SLC9A9: variants seen among roughly 807,000 people sequenced by gnomAD.
The protein encoded by SLC9A9 is solute carrier family 9 member A9.
A neutral mutation model predicts 77.8 loss-of-function variants in SLC9A9; 62 were observed. That is an observed-to-expected ratio of 0.80 (90% CI 0.65 to 0.98). The LOEUF is 0.98. Ranked by LOEUF, SLC9A9 falls within the 50% of genes least tolerant of loss-of-function variation. The probability of loss-of-function intolerance (pLI) is 0.00; values close to 1 mark genes in which losing one functional copy is unlikely to be tolerated. For synonymous variants in SLC9A9, 320 were observed against 283.5 expected (o/e 1.13, Z -1.29); for missense variants, 775 against 774.9 (o/e 1.00, Z 0.00).
At chr3:143,279,099 C>T (rs773942217) in intron 14 of SLC9A9, among the ~76,000 whole-genome samples, 2 of 152,176 alleles carry the variant, frequency 1.3e-5, no homozygotes, top group Non-Finnish European at 2.9e-5. Flanking sequence ...ATATTTCAAC[C>T]ATCCCAAGTC....
At chr3:143,397,397 G>A (rs1183545345) in intron 12 of SLC9A9, among the ~76,000 whole-genome samples, 4 of 152,114 alleles carry the variant, frequency 2.6e-5, no homozygotes, top group Non-Finnish European at 4.4e-5. Context: ...AGTTACATGG[G>A]AAAAAAGAGG....
chr3:143,780,477 G>T (rs934324026), intron 4 of SLC9A9, among the ~76,000 whole-genome samples: 1 of 152,190 alleles, frequency 6.6e-6, no homozygotes, highest in Non-Finnish European at 1.5e-5. Context: ...CTCATTAAAA[G>T]TTTTTACGCA....
chr3:143,602,373 G>C (rs932124220), intron 6 of SLC9A9, among the ~76,000 whole-genome samples: 3 of 152,170 alleles, frequency 2.0e-5, no homozygotes, highest in African/African-American at 7.2e-5. Context: ...CGTGAGATCT[G>C]GGTGAACGTC....
intron 4 of SLC9A9, among the ~76,000 whole-genome samples, chr3:143,778,617 AT>A (rs75707362): frequency 0.033 from 4,979 of 152,298 alleles, 238 homozygotes; most frequent in East Asian, 0.19. Context: ...ATGTAAAAAA[AT>A]ATCTTTATAA....
At chr3:143,545,844 C>CT in intron 9 of SLC9A9, among the ~76,000 whole-genome samples, 1 of 152,194 alleles carries the variant, frequency 6.6e-6, no homozygotes, top group Non-Finnish European at 1.5e-5. Context: ...ATGGCAAACT[C>CT]TAATTCCTCC....
intron 2 of SLC9A9, among the ~76,000 whole-genome samples, chr3:143,805,396 A>G (rs2108866996): frequency 6.6e-6 from 1 of 151,702 alleles, no homozygotes; most frequent in Non-Finnish European, 1.5e-5. Context: ...TCTCCATGCC[A>G]CCCCCCAAAA....
intron 12 of SLC9A9, among the ~76,000 whole-genome samples, chr3:143,461,878 A>G (rs2035200796): frequency 6.6e-6 from 1 of 152,204 alleles, no homozygotes; most frequent in African/African-American, 2.4e-5. Context: ...TCTGTATGGA[A>G]GCAGATATAT....
At chr3:143,553,151 G>A (rs1357413668) in intron 8 of SLC9A9, among the ~76,000 whole-genome samples, 1 of 152,176 alleles carries the variant, frequency 6.6e-6, no homozygotes, top group Non-Finnish European at 1.5e-5. Context: ...CTTGACATCT[G>A]CAGGGTTTAG....
chr3:143,617,136 C>T (rs2038119025), intron 6 of SLC9A9, among the ~76,000 whole-genome samples: 2 of 152,120 alleles, frequency 1.3e-5, no homozygotes, highest in Non-Finnish European at 2.9e-5. Flanking sequence ...GGAGGAAATG[C>T]CATTTTGGGT....
intron 1 of SLC9A9, 73 bp from the exon 2 acceptor site, chr3:143,832,294 T>G (rs1314098020): frequency 1.5e-6 from 2 of 1,328,396 alleles, no homozygotes; most frequent in Non-Finnish European, 2.1e-6. Flanking sequence ...ACCTATATGA[T>G]TTGGAACCTT....
chr3:143,359,687 C>T lies in SLC9A9; in HGVS notation c.1604+3797G>A, dbSNP rs1412412088. 2.6e-5 allele frequency among the ~76,000 whole-genome samples: 4 copies of T among 152,120 alleles called. No individual in the cohort carries two copies. In the East Asian group the frequency reaches 7.7e-4, roughly 29 times the overall value. Reference sequence around the variant, plus strand: ...TGAAGAGTATCTCCCCCTGCCCATACCTCCCACTCCACAATGGGGATATGG... The same window carrying T: ...TGAAGAGTATCTCCCCCTGCCCATATCTCCCACTCCACAATGGGGATATGG... On this transcript the variant is annotated intron_variant, in intron 14 of 15. Transcript: ENST00000316549.
chr3:143,655,260 T>G (rs1295691410), intron 5 of SLC9A9, among the ~76,000 whole-genome samples: 1 of 152,160 alleles, frequency 6.6e-6, no homozygotes, highest in East Asian at 1.9e-4. Flanking sequence ...GAGAGAATCT[T>G]TGGGACAGCT....
chr3:143,463,441 T>A (rs536000894), intron 12 of SLC9A9, among the ~76,000 whole-genome samples: 1 of 152,214 alleles, frequency 6.6e-6, no homozygotes, highest in Non-Finnish European at 1.5e-5. Flanking sequence ...TTTGTAAGCA[T>A]GTGCAACCAT....
chr3:143,780,454 T>C (rs774721671), intron 4 of SLC9A9, among the ~76,000 whole-genome samples: 1 of 152,220 alleles, frequency 6.6e-6, no homozygotes, highest in Non-Finnish European at 1.5e-5. Context: ...GGATTGATGA[T>C]ACAAAAGGAT....
intron 9 of SLC9A9, chr3:143,504,092 T>G (rs2035970820): frequency 4.0e-6 from 2 of 501,504 alleles, no homozygotes; most frequent in Admixed American, 4.0e-5. Context: ...TTCTCAGCCT[T>G]GATGGTACTG....
At chr3:143,384,539 TTGAGGCAGCAC>T (rs2033376167) in intron 12 of SLC9A9, among the ~76,000 whole-genome samples, 1 of 152,154 alleles carries the variant, frequency 6.6e-6, no homozygotes, top group African/African-American at 2.4e-5. Flanking sequence ...CATTTAACGT[TTGAGGCAGCAC>T]TGAGGCCTTT....
At chr3:143,599,367 T>C (rs2037808549) in intron 6 of SLC9A9, among the ~76,000 whole-genome samples, 1 of 152,176 alleles carries the variant, frequency 6.6e-6, no homozygotes, top group Admixed American at 6.5e-5. Flanking sequence ...GGACTTTTCC[T>C]GGAAAGCATA....
intron 4 of SLC9A9, among the ~76,000 whole-genome samples, chr3:143,744,759 A>T (rs1294885634): frequency 6.6e-6 from 1 of 152,202 alleles, no homozygotes; most frequent in Non-Finnish European, 1.5e-5. Flanking sequence ...GCAAATGAAT[A>T]ATGATTAAGT....
chr3:143,536,804 G>A (rs968099855), intron 9 of SLC9A9, among the ~76,000 whole-genome samples: 114 of 152,296 alleles, frequency 7.5e-4, no homozygotes, highest in African/African-American at 2.6e-3. Context: ...CCCTTGCAGA[G>A]TTTTCTTTTC....
Sources: gnomAD v4.1 joint callset for allele counts (sites outside exome capture counted in the v4.1 genomes callset) on GRCh38, gnomAD v4.1.1 for gene constraint, MANE v1.5 for transcripts, NCBI Gene and HGNC (gene_info 2026-07-23, HGNC 2026-07-21) for gene names.